ABI2: variants seen among roughly 807,000 people sequenced by gnomAD.
ABI2 encodes the protein abelson interactor 2.
ABI2 carries 25 observed loss-of-function variants against 59.2 expected under a neutral mutation model. That is an observed-to-expected ratio of 0.42 (90% CI 0.31 to 0.59). ABI2 has a LOEUF of 0.59. Among genes scored for constraint, ABI2 ranks in the 20% least tolerant of loss-of-function variants. ABI2 has a pLI of 0.14. For synonymous variants in ABI2, 213 were observed against 235.5 expected, an observed-to-expected ratio of 0.90 and a Z score of 0.87; for missense variants, 545 against 681.8, an observed-to-expected ratio of 0.80 and a Z score of 2.23.
Position 203,367,235 on chromosome 2 carries a change from G to A in ABI2, c.285+191G>A, listed in dbSNP as rs998123243. The A allele has an allele frequency of 2.2e-5, 16 of 712,044 alleles. No homozygotes were observed. The Admixed American group carries it at 2.6e-4, about 11-fold the overall frequency. 44.1% of individuals were successfully genotyped at this position (712,044 alleles called of 1,614,324 possible). A position where few individuals can be genotyped will look rare whatever the true frequency, so the allele number is the denominator to read the frequency against. On this transcript the variant is annotated intron_variant, in intron 2 of 11. Transcript: ENST00000261018. ...GGTTATCTTCTCTGTGATTTTGATAGGAAAGTAAATCGTAATGAATTTTAT... is the reference window on the plus strand; with the variant it reads ...GGTTATCTTCTCTGTGATTTTGATAAGAAAGTAAATCGTAATGAATTTTAT...
chr2:203,328,690 T>A, intron 1 of ABI2, 59 bp downstream of exon 1: 1 of 1,257,718 alleles, frequency 8.0e-7, no homozygotes, highest in Non-Finnish European at 1.1e-6. Context: ...GCCGCGCGCC[T>A]CGGGGCGTGG....
At position 203,328,977 on chromosome 2, in the gene ABI2, C is replaced by T. The variant is rs1254314131; in HGVS notation, c.117+346C>T. On this transcript the variant is annotated intron_variant, in intron 1 of 11. Transcript: ENST00000261018. ...GTGGCATTTTCTGTTTGACGGAATC[C>T]TGCTCCCCACCTTAGGGTAGGGGTG... 5 of 193,366 alleles carry T rather than the reference C, an allele frequency of 2.6e-5. No individual in the cohort carries two copies. The Admixed American group carries it at 3.1e-4, about 12-fold the overall frequency. 12.0% of individuals were successfully genotyped at this position (193,366 alleles called of 1,614,324 possible). A position where few individuals can be genotyped will look rare whatever the true frequency, so the allele number is the denominator to read the frequency against.
intron 1 of ABI2, among the ~76,000 whole-genome samples, chr2:203,335,045 ACATTC>A: frequency 6.6e-6 from 1 of 152,278 alleles, no homozygotes; most frequent in East Asian, 1.9e-4. Flanking sequence ...GTAGGGCAAC[ACATTC>A]TATTTTGGAT....
chr2:203,378,575 G>A (rs1417815797), intron 2 of ABI2, among the ~76,000 whole-genome samples: 1 of 152,128 alleles, frequency 6.6e-6, no homozygotes, highest in Non-Finnish European at 1.5e-5. Flanking sequence ...TTTGTTTCAG[G>A]CTTACCTCAT....
intron 2 of ABI2, among the ~76,000 whole-genome samples, chr2:203,376,566 G>A (rs1017687093): frequency 2.6e-5 from 4 of 152,158 alleles, no homozygotes; most frequent in Admixed American, 6.5e-5. Context: ...TTAATCCTGG[G>A]AAACATTTCA....
At chr2:203,385,031 C>T (rs1021767483) in intron 4 of ABI2, among the ~76,000 whole-genome samples, 7 of 151,884 alleles carry the variant, frequency 4.6e-5, no homozygotes, top group Non-Finnish European at 8.8e-5. Flanking sequence ...GACAGGGTTT[C>T]GCCATGTTGG....
At position 203,334,527 on chromosome 2, in the gene ABI2, C is replaced by A. The variant is rs180677150; in HGVS notation, c.117+5896C>A. 6.6e-5 allele frequency among the ~76,000 whole-genome samples: 10 copies of A among 152,112 alleles called. No homozygotes were observed. In the East Asian group the frequency reaches 1.5e-3, roughly 24 times the overall value. Reference sequence around the variant, plus strand: ...ATGAATATGCTGTGATTTGCTTACACCCACCCCAAATCCATTTTGCAGCAC... The same window carrying A: ...ATGAATATGCTGTGATTTGCTTACAACCACCCCAAATCCATTTTGCAGCAC... On this transcript the variant is annotated intron_variant, in intron 1 of 11. Coordinates refer to ENST00000261018, the MANE Select transcript of ABI2 (RefSeq NM_001375670.1).
intron 3 of ABI2, 105 bp from the exon 4 acceptor site, chr2:203,382,079 GCTTAA>G: frequency 4.5e-6 from 4 of 879,462 alleles, no homozygotes; most frequent in Non-Finnish European, 6.8e-6. Flanking sequence ...AATGCTGAAT[GCTTAA>G]CTTGTTTTTT....
At position 203,429,207 on chromosome 2, in the gene ABI2, G is replaced by A. The variant is rs1251140558; in HGVS notation, c.*1855G>A. The A allele has an allele frequency of 6.6e-6, 1 of 152,012 alleles. No homozygotes were observed. The highest frequency in any genetic ancestry group is 1.5e-5 in the Non-Finnish European group (1 of 68,002). The allele number at this position is 152,012 out of a possible 1,614,324, so 9.4% of individuals were successfully genotyped here. ...TTGCCTCCAGTATACATTCCACTTC[G>A]TGCTTTTCTTAGGTCATTTCTACAT... On this transcript the variant is annotated 3_prime_UTR_variant, in exon 12 of 12. Transcript: ENST00000261018.
intron 2 of ABI2, among the ~76,000 whole-genome samples, chr2:203,379,706 T>A (rs7588790): frequency 0.74 from 112,011 of 152,046 alleles, 42,380 homozygotes; most frequent in Middle Eastern, 0.87. Context: ...AAAATTAGCA[T>A]GCTTTAACCC....
chr2:203,395,734 G>T lies in ABI2; in HGVS notation c.804G>T (p.Gly268=). The stretch of plus-strand genomic sequence containing the variant: ...AGAACAGTGGAAGTGGTAGTGTGGG[G>T]GTTCCTATTGCTGTTCCTACTCCAT... ...SRENSGSGSV[G]VPIAVPTPSP... Residue 268 remains glycine (G), a synonymous_variant, in exon 7 of 12, where the codon GGG becomes GGT. Transcript: ENST00000261018. 6 of 1,610,934 alleles carry T rather than the reference G, an allele frequency of 3.7e-6. No individual in the cohort carries two copies. Among genetic ancestry groups the T allele is most frequent in the Middle Eastern group, 1.7e-4 (1 of 6,058 alleles).
At chr2:203,386,329 C>A (rs1431777781) in intron 4 of ABI2, among the ~76,000 whole-genome samples, 1 of 151,406 alleles carries the variant, frequency 6.6e-6, no homozygotes, top group Non-Finnish European at 1.5e-5. Context: ...CTCTGTTGCT[C>A]AGGCCAGAGT....
chr2:203,400,723 G>A (rs1411810703), intron 8 of ABI2, among the ~76,000 whole-genome samples: 1 of 152,102 alleles, frequency 6.6e-6, no homozygotes. Flanking sequence ...TCTAAGCTTG[G>A]TAAACTTTCA....
chr2:203,355,710 AATC>A (rs2091571568), intron 1 of ABI2, among the ~76,000 whole-genome samples: 9 of 151,558 alleles, frequency 5.9e-5, no homozygotes, highest in Admixed American at 5.9e-4. Context: ...GCACGCCTGT[AATC>A]CCAGCTACTC....
intron 2 of ABI2, among the ~76,000 whole-genome samples, chr2:203,378,354 G>A (rs908431837): frequency 9.9e-5 from 15 of 152,136 alleles, no homozygotes; most frequent in South Asian, 2.1e-4. Context: ...TTTGTGATCC[G>A]CCCACCTTGG....
chr2:203,397,581 G>A (rs1467512546), intron 8 of ABI2, among the ~76,000 whole-genome samples: 1 of 152,182 alleles, frequency 6.6e-6, no homozygotes, highest in Non-Finnish European at 1.5e-5. Context: ...CTAGTAACAG[G>A]TTCTTGTCTG....
intron 2 of ABI2, chr2:203,376,024 TAA>T: frequency 7.0e-7 from 1 of 1,435,858 alleles, no homozygotes; most frequent in Non-Finnish European, 9.4e-7. Flanking sequence ...AGATGTTTTT[TAA>T]AAGTTATTTA....
rs1453726167 is a variant in ABI2, at chr2:203,380,339, AC to A, written c.419del (p.Pro140LeufsTer7). Reference sequence around the variant, plus strand: ...AACGACCAGTTCGTTATATTAGAAAACCTATTGACTATACAATTCTAGATGA... The same window carrying A: ...AACGACCAGTTCGTTATATTAGAAAACTATTGACTATACAATTCTAGATGA... ...LERPVRYIRK[P>X]IDYTILDDIG... On this transcript the variant is annotated frameshift_variant, in exon 3 of 12. Transcript: ENST00000261018. LOFTEE classifies it high-confidence loss of function. 6.2e-7 allele frequency: 1 copy of A among 1,601,782 alleles called. No individual in the cohort carries two copies. The highest frequency in any genetic ancestry group is 8.5e-7 in the Non-Finnish European group (1 of 1,175,810).
intron 11 of ABI2, among the ~76,000 whole-genome samples, chr2:203,420,273 CT>C (rs2098136903): frequency 6.6e-6 from 1 of 152,164 alleles, no homozygotes; most frequent in East Asian, 1.9e-4. Flanking sequence ...TATCTCTTAA[CT>C]TTTGTAAAGC....
Sources: allele counts gnomAD v4.1 joint callset (sites outside exome capture counted in the v4.1 genomes callset), GRCh38; gene constraint gnomAD v4.1.1; transcripts MANE v1.5; gene names NCBI Gene and HGNC (gene_info 2026-07-23, HGNC 2026-07-21).